Variants in NUAK1 observed in about 807,000 individuals in gnomAD.
NUAK1 encodes the protein NUAK family kinase 1.
In NUAK1, 26 loss-of-function variants were observed where a neutral mutation model predicts 56.9. The ratio of observed to expected loss-of-function variants is 0.46; its 90% confidence interval spans 0.33 to 0.63. The LOEUF (loss-of-function observed/expected upper bound fraction) is 0.63. Ranked by LOEUF, NUAK1 falls within the 30% of genes least tolerant of loss-of-function variation. The pLI, the probability that NUAK1 is intolerant of heterozygous loss-of-function variation, is 0.02. For synonymous variants in NUAK1, 337 were observed against 336.0 expected (o/e 1.00, Z -0.03); for missense variants, 727 against 876.1 (o/e 0.83, Z 2.15).
At chr12:106,112,056 C>T (rs144269480) in intron 1 of NUAK1, among the ~76,000 whole-genome samples, 20 of 151,614 alleles carry the variant, frequency 1.3e-4, no homozygotes, top group African/African-American at 4.8e-4. Context: ...TGAGATGGAC[C>T]CCCCTCCAAG....
At chr12:106,090,933 C>A (rs2032628680) in intron 2 of NUAK1, among the ~76,000 whole-genome samples, 1 of 152,142 alleles carries the variant, frequency 6.6e-6, no homozygotes, top group Non-Finnish European at 1.5e-5. Flanking sequence ...CCAGAATAGT[C>A]CAGGATTTAT....
chr12:106,121,951 TA>T (rs1430705548), intron 1 of NUAK1, among the ~76,000 whole-genome samples: 16 of 152,176 alleles, frequency 1.1e-4, no homozygotes, highest in African/African-American at 3.4e-4. Context: ...AACCCAATCT[TA>T]AAGATTTTCT....
intron 2 of NUAK1, among the ~76,000 whole-genome samples, chr12:106,095,721 T>C (rs2136466862): frequency 6.6e-6 from 1 of 152,306 alleles, no homozygotes; most frequent in South Asian, 2.1e-4. Context: ...TTGAGGTATG[T>C]GTGTGATGGG....
intron 4 of NUAK1, among the ~76,000 whole-genome samples, chr12:106,078,565 C>T (rs2032485470): frequency 6.6e-6 from 1 of 152,180 alleles, no homozygotes; most frequent in Non-Finnish European, 1.5e-5. Flanking sequence ...TAACTCCTTT[C>T]CGGCCTTGGA....
chr12:106,100,910 T>C (rs938050684), intron 2 of NUAK1, among the ~76,000 whole-genome samples: 2 of 152,272 alleles, frequency 1.3e-5, no homozygotes, highest in Non-Finnish European at 2.9e-5. Context: ...TGGCAAGTTC[T>C]TTAACAGCTT....
intron 3 of NUAK1, among the ~76,000 whole-genome samples, chr12:106,084,668 G>A (rs1029277829): frequency 1.3e-5 from 2 of 151,542 alleles, no homozygotes; most frequent in Non-Finnish European, 2.9e-5. Context: ...CAGCTGAAAC[G>A]TGAAAAGCAG....
chr12:106,093,563 T>C (rs1398397820), intron 2 of NUAK1, among the ~76,000 whole-genome samples: 1 of 152,188 alleles, frequency 6.6e-6, no homozygotes, highest in Non-Finnish European at 1.5e-5. Flanking sequence ...AAAATGTGTA[T>C]TATAAAAACA....
intron 1 of NUAK1, among the ~76,000 whole-genome samples, chr12:106,117,334 T>C (rs1292993478): frequency 6.6e-6 from 1 of 152,236 alleles, no homozygotes; most frequent in African/African-American, 2.4e-5. Flanking sequence ...GAGAAGTCAT[T>C]CCATGCATGG....
Position 106,094,618 on chromosome 12 carries a change from G to A in NUAK1, c.362-7733C>T, listed in dbSNP as rs11837260. Among the ~76,000 whole-genome samples the A allele has an allele frequency of 2.5e-3, 375 of 152,314 alleles. 1 individual carries two copies. Among genetic ancestry groups the A allele is most frequent in the African/African-American group, 8.6e-3 (357 of 41,562 alleles). The stretch of plus-strand genomic sequence containing the variant: ...GTTGATTCAGTGCAGTTCCTGGTTT[G>A]CACAACAAAAGACTTTTTTGTTCAC... On this transcript the variant is annotated intron_variant, in intron 2 of 6. Coordinates refer to ENST00000261402, the MANE Select transcript of NUAK1 (RefSeq NM_014840.3).
intron 4 of NUAK1, among the ~76,000 whole-genome samples, chr12:106,081,253 C>G (rs1018099088): frequency 7.8e-6 from 1 of 128,700 alleles, no homozygotes; most frequent in East Asian, 1.1e-3. Context: ...GCATTATCCT[C>G]TAGACTTTCT....
chr12:106,067,577 C>T lies in NUAK1; in HGVS notation c.1211G>A (p.Arg404Gln), dbSNP rs142935663. ...SKRPKGILKK[R>Q]SNSEHRSHST... ...GTGAGAGCGATGCTCGCTGTTGCTT[C>T]GCTTCTTCAGGATCCCCTTGGGCCT... Residue 404 changes from arginine to glutamine, a missense_variant, in exon 7 of 7, where the codon CGA becomes CAA. Transcript: ENST00000261402. This position sits in a 1 kb window ranked among gnomAD's most constrained non-coding sequence, Gnocchi z 6.0. The T allele has an allele frequency of 6.8e-6, 11 of 1,614,104 alleles. No homozygotes were observed. Among genetic ancestry groups the T allele is most frequent in the African/African-American group, 1.3e-5 (1 of 74,946 alleles).
intron 4 of NUAK1, among the ~76,000 whole-genome samples, chr12:106,077,346 C>T (rs930490796): frequency 4.6e-5 from 7 of 152,244 alleles, no homozygotes; most frequent in East Asian, 3.9e-4. Context: ...GTAGAGAATA[C>T]GCATGTAAAG....
At chr12:106,087,180 T>C (rs982822130) in intron 2 of NUAK1, among the ~76,000 whole-genome samples, 1 of 152,098 alleles carries the variant, frequency 6.6e-6, no homozygotes, top group Non-Finnish European at 1.5e-5. Context: ...TCTCATACCC[T>C]CTCCCAGAAC....
intron 4 of NUAK1, among the ~76,000 whole-genome samples, chr12:106,073,992 CATAT>C: frequency 6.6e-6 from 1 of 152,140 alleles, no homozygotes; most frequent in East Asian, 1.9e-4. Flanking sequence ...AGCACTTTTA[CATAT>C]ATATGTATAT....
chr12:106,071,004 G>T, intron 5 of NUAK1, 98 bp from the exon 6 acceptor site: 1 of 1,340,930 alleles, frequency 7.5e-7, no homozygotes, highest in Non-Finnish European at 1.0e-6. Flanking sequence ...GCCACCCCCA[G>T]CAGCCCCAGG....
At chr12:106,131,885 C>A (rs1405417887) in intron 1 of NUAK1, among the ~76,000 whole-genome samples, 1 of 152,182 alleles carries the variant, frequency 6.6e-6, no homozygotes, top group African/African-American at 2.4e-5. Context: ...CACGGTGGGT[C>A]ATCAGGCCCA....
intron 1 of NUAK1, among the ~76,000 whole-genome samples, chr12:106,137,417 T>C (rs2033140007): frequency 6.6e-6 from 1 of 152,214 alleles, no homozygotes; most frequent in Non-Finnish European, 1.5e-5. Context: ...TCTGATCTGC[T>C]TCAAATCAAA....
intron 2 of NUAK1, among the ~76,000 whole-genome samples, chr12:106,096,236 C>G (rs1443720280): frequency 6.6e-6 from 1 of 151,948 alleles, no homozygotes; most frequent in Non-Finnish European, 1.5e-5. Context: ...TCCAGGAAAC[C>G]CAGGAGGGTG....
At chr12:106,111,143 C>G (rs1346918608) in intron 1 of NUAK1, among the ~76,000 whole-genome samples, 1 of 152,130 alleles carries the variant, frequency 6.6e-6, no homozygotes, top group Non-Finnish European at 1.5e-5. Context: ...TTACAAAATC[C>G]TGTTTCTTGG....
Sources: gnomAD v4.1 joint callset for allele counts (sites outside exome capture counted in the v4.1 genomes callset) on GRCh38, gnomAD v4.1.1 for gene constraint, Gnocchi (gnomAD v3.1) non-coding constraint, MANE v1.5 for transcripts, NCBI Gene and HGNC (gene_info 2026-07-23, HGNC 2026-07-21) for gene names.